KCNIP1: variants seen among roughly 807,000 people sequenced by gnomAD.
KCNIP1 encodes potassium voltage-gated channel interacting protein 1, also known as A-type potassium channel modulatory protein KCNIP1.
A neutral mutation model predicts 33.0 loss-of-function variants in KCNIP1; 18 were observed. The observed-to-expected ratio is 0.55, with a 90% confidence interval of 0.38 to 0.81. The LOEUF (loss-of-function observed/expected upper bound fraction) is 0.81. Ranked by LOEUF, KCNIP1 falls within the 30% of genes least tolerant of loss-of-function variation. The pLI is 0.00. For synonymous variants in KCNIP1, 93 were observed against 98.3 expected, an observed-to-expected ratio of 0.95 and a Z score of 0.32; for missense variants, 238 against 271.6, an observed-to-expected ratio of 0.88 and a Z score of 0.87.
chr5:170,585,668 A>G (rs1757960602), intron 1 of KCNIP1, among the ~76,000 whole-genome samples: 1 of 152,156 alleles, frequency 6.6e-6, no homozygotes, highest in Non-Finnish European at 1.5e-5. Flanking sequence ...AGCAGCGTCT[A>G]GAACTTGGGG....
chr5:170,722,667 C>A, intron 4 of KCNIP1, 46 bp from the exon 5 acceptor site: 2 of 1,301,672 alleles, frequency 1.5e-6, no homozygotes, highest in South Asian at 2.4e-5. Flanking sequence ...TTCACACTGT[C>A]TGATGGCTTG....
At chr5:170,446,613 G>A (rs1341450050) in intron 1 of KCNIP1, among the ~76,000 whole-genome samples, 5 of 152,108 alleles carry the variant, frequency 3.3e-5, no homozygotes, top group Non-Finnish European at 7.3e-5. Context: ...AGGTGTACTA[G>A]TATGCCCAGC....
chr5:170,564,209 T>C (rs755956169), intron 1 of KCNIP1, among the ~76,000 whole-genome samples: 15 of 152,184 alleles, frequency 9.9e-5, no homozygotes, highest in Non-Finnish European at 2.1e-4. Context: ...TTAAGGTACA[T>C]TGTGTATCAG....
upstream of KCNIP1, among the ~76,000 whole-genome samples, chr5:170,499,217 G>A (rs1191405566): frequency 6.6e-6 from 1 of 152,142 alleles, no homozygotes; most frequent in African/African-American, 2.4e-5. Context: ...AATACCAGAT[G>A]GGGACCCTGA....
chr5:170,571,803 CCAGA>C (rs1757419795), intron 1 of KCNIP1, among the ~76,000 whole-genome samples: 1 of 152,110 alleles, frequency 6.6e-6, no homozygotes, highest in African/African-American at 2.4e-5. Context: ...ATTCTGTGGG[CCAGA>C]CAAAGCATGC....
At chr5:170,572,242 C>T (rs961526986) in intron 1 of KCNIP1, among the ~76,000 whole-genome samples, 2 of 152,188 alleles carry the variant, frequency 1.3e-5, no homozygotes, top group East Asian at 1.9e-4. Flanking sequence ...CAATTGAACA[C>T]GCACAGGCAC....
intron 1 of KCNIP1, among the ~76,000 whole-genome samples, chr5:170,690,416 T>C (rs1762682575): frequency 6.6e-6 from 1 of 152,172 alleles, no homozygotes; most frequent in Non-Finnish European, 1.5e-5. Context: ...TGGCCTAGAG[T>C]TCTCCTGATA....
chr5:170,622,317 T>A (rs867436957), intron 1 of KCNIP1, among the ~76,000 whole-genome samples: 1 of 152,104 alleles, frequency 6.6e-6, no homozygotes, highest in Non-Finnish European at 1.5e-5. Context: ...GTGACTGATG[T>A]CCTTATAAAA....
chr5:170,670,912 A>T (rs535144328), intron 1 of KCNIP1, among the ~76,000 whole-genome samples: 1 of 135,218 alleles, frequency 7.4e-6, no homozygotes, highest in Non-Finnish European at 1.5e-5. Flanking sequence ...CAAAAAAAAA[A>T]ATAAAAAAAA....
intron 1 of KCNIP1, among the ~76,000 whole-genome samples, chr5:170,451,782 A>T (rs887114633): frequency 9.1e-6 from 1 of 109,682 alleles, no homozygotes; most frequent in Non-Finnish European, 1.9e-5. Flanking sequence ...TGCAGGGGGA[A>T]GATGCAAGCT....
upstream of KCNIP1, among the ~76,000 whole-genome samples, chr5:170,500,216 C>T (rs980015099): frequency 1.3e-5 from 2 of 152,116 alleles, no homozygotes; most frequent in African/African-American, 4.8e-5. Flanking sequence ...CAGGGCCCCA[C>T]CCTTATGACC....
chr5:170,559,440 C>T (rs1299226925), intron 1 of KCNIP1, among the ~76,000 whole-genome samples: 1 of 152,124 alleles, frequency 6.6e-6, no homozygotes, highest in Non-Finnish European at 1.5e-5. Flanking sequence ...AACTTCATGC[C>T]TTTTCTATCT....
chr5:170,462,264 C>CAA (rs760686464), intron 1 of KCNIP1, among the ~76,000 whole-genome samples: 929 of 51,904 alleles, frequency 0.018, 34 homozygotes, highest in African/African-American at 0.048. Context: ...AACAAATTAG[C>CAA]AAAAAAAAAA....
chr5:170,525,297 CTT>C (rs1381239120), intron 1 of KCNIP1, among the ~76,000 whole-genome samples: 2 of 152,238 alleles, frequency 1.3e-5, no homozygotes, highest in Non-Finnish European at 2.9e-5. Flanking sequence ...CCCTTGGTGA[CTT>C]AACCTTCCTG....
chr5:170,655,872 C>G (rs1418292976), intron 1 of KCNIP1, among the ~76,000 whole-genome samples: 3 of 152,138 alleles, frequency 2.0e-5, no homozygotes, highest in Non-Finnish European at 2.9e-5. Context: ...GCTCATTGAC[C>G]AATGGTTCGG....
chr5:170,659,591 CT>C (rs1761397839), intron 1 of KCNIP1, among the ~76,000 whole-genome samples: 1 of 152,188 alleles, frequency 6.6e-6, no homozygotes, highest in South Asian at 2.1e-4. Flanking sequence ...ATAGAGAGGT[CT>C]TTCCTGAGGA....
At chr5:170,640,709 C>T (rs1760508322) in intron 1 of KCNIP1, among the ~76,000 whole-genome samples, 1 of 152,166 alleles carries the variant, frequency 6.6e-6, no homozygotes, top group Non-Finnish European at 1.5e-5. Context: ...CAGGCATGTT[C>T]ATGTATATTC....
intron 1 of KCNIP1, among the ~76,000 whole-genome samples, chr5:170,400,324 C>T (rs1391371686): frequency 6.6e-6 from 1 of 152,152 alleles, no homozygotes; most frequent in African/African-American, 2.4e-5. Context: ...GAAGGGGAAG[C>T]AGGCACCTCT....
At chr5:170,705,582 C>T (rs1763231956) in intron 1 of KCNIP1, among the ~76,000 whole-genome samples, 1 of 152,192 alleles carries the variant, frequency 6.6e-6, no homozygotes, top group Admixed American at 6.5e-5. Context: ...TTCTGTTCCA[C>T]GGACTGAGAT....
Sources: gnomAD v4.1 joint callset for allele counts (sites outside exome capture counted in the v4.1 genomes callset) on GRCh38, gnomAD v4.1.1 for gene constraint, MANE v1.5 for transcripts, NCBI Gene and HGNC (gene_info 2026-07-23, HGNC 2026-07-21) for gene names.